DLGAP2: variants seen among roughly 807,000 people sequenced by gnomAD.
DLGAP2 encodes disks large-associated protein 2.
In DLGAP2, 26 loss-of-function variants were observed where a neutral mutation model predicts 100.3. The observed-to-expected ratio is 0.26, with a 90% CI of 0.19 to 0.36. The LOEUF is 0.36. Among genes scored for constraint, DLGAP2 ranks in the 10% least tolerant of loss-of-function variants. DLGAP2 has a pLI of 1.00. For synonymous variants in DLGAP2, 886 were observed against 630.1 expected (o/e 1.41, Z -6.08); for missense variants, 1,858 against 1,453.2 (o/e 1.28, Z -4.53).
chr8:747,393 G>A (rs1417057431), intron 1 of DLGAP2, among the ~76,000 whole-genome samples: 2 of 151,920 alleles, frequency 1.3e-5, no homozygotes, highest in Admixed American at 6.6e-5. Flanking sequence ...GGGCTTCTCC[G>A]CCGGGCCTCG....
At chr8:901,401 C>T (rs1195924286) in intron 1 of DLGAP2, among the ~76,000 whole-genome samples, 1 of 152,228 alleles carries the variant, frequency 6.6e-6, no homozygotes, top group East Asian at 1.9e-4. Context: ...ACAGGTGAAT[C>T]TCTTTATTGA....
intron 8 of DLGAP2, among the ~76,000 whole-genome samples, chr8:1,658,149 A>C (rs1798327031): frequency 6.6e-6 from 1 of 152,074 alleles, no homozygotes; most frequent in Non-Finnish European, 1.5e-5. Context: ...TTTATTATGC[A>C]AATGAGGGCT....
At chr8:865,499 C>T (rs1350466693) in intron 1 of DLGAP2, among the ~76,000 whole-genome samples, 1 of 152,082 alleles carries the variant, frequency 6.6e-6, no homozygotes, top group Admixed American at 6.5e-5. Context: ...GTGATGTTCC[C>T]CGGGGCTGAG....
intron 3 of DLGAP2, among the ~76,000 whole-genome samples, chr8:1,323,414 G>C (rs1041491327): frequency 3.3e-5 from 5 of 152,210 alleles, no homozygotes; most frequent in African/African-American, 1.2e-4. Context: ...TTCTGGCTTT[G>C]AGTCTGGGTG....
At chr8:1,661,030 G>T (rs1012495702) in intron 8 of DLGAP2, among the ~76,000 whole-genome samples, 3 of 152,182 alleles carry the variant, frequency 2.0e-5, no homozygotes, top group South Asian at 2.1e-4. Flanking sequence ...GTTTCTGCTG[G>T]CAAGGGTTGG....
At chr8:819,073 T>C (rs566548245) in intron 1 of DLGAP2, among the ~76,000 whole-genome samples, 1 of 152,358 alleles carries the variant, frequency 6.6e-6, no homozygotes, top group Non-Finnish European at 1.5e-5. Context: ...ATTTAATGAC[T>C]GAATCCAGAA....
At chr8:1,182,552 G>A (rs1425766296) in intron 2 of DLGAP2, among the ~76,000 whole-genome samples, 2 of 152,184 alleles carry the variant, frequency 1.3e-5, no homozygotes, top group Non-Finnish European at 2.9e-5. Context: ...TGAGATGCTG[G>A]GTGGCTGGAT....
intron 2 of DLGAP2, among the ~76,000 whole-genome samples, chr8:935,139 C>G (rs1404512462): frequency 1.3e-5 from 2 of 152,246 alleles, no homozygotes; most frequent in Non-Finnish European, 2.9e-5. Flanking sequence ...GCAGGGGACG[C>G]TGAGGCGGCT....
chr8:1,234,974 C>G (rs1048372864), intron 2 of DLGAP2, among the ~76,000 whole-genome samples: 2 of 151,958 alleles, frequency 1.3e-5, no homozygotes, highest in Non-Finnish European at 2.9e-5. Flanking sequence ...GTGTCTAGTT[C>G]TCTCACGCAT....
chr8:898,133 C>G (rs766709462), intron 1 of DLGAP2, among the ~76,000 whole-genome samples: 1 of 152,192 alleles, frequency 6.6e-6, no homozygotes, highest in Non-Finnish European at 1.5e-5. Flanking sequence ...GGCAGTAAAC[C>G]GTACAGCAGG....
chr8:1,024,711 C>G (rs1227963899), intron 2 of DLGAP2, among the ~76,000 whole-genome samples: 1 of 152,180 alleles, frequency 6.6e-6, no homozygotes, highest in Non-Finnish European at 1.5e-5. Context: ...GAAGAACTCA[C>G]AGGCGCTTCA....
intron 4 of DLGAP2, among the ~76,000 whole-genome samples, chr8:1,513,947 A>G (rs1221701423): frequency 2.0e-5 from 3 of 152,162 alleles, no homozygotes; most frequent in Non-Finnish European, 4.4e-5. Flanking sequence ...TGCCTACGCA[A>G]TGTGATTGAG....
At chr8:1,600,911 T>A (rs1796604094) in intron 6 of DLGAP2, among the ~76,000 whole-genome samples, 1 of 152,244 alleles carries the variant, frequency 6.6e-6, no homozygotes, top group Non-Finnish European at 1.5e-5. Context: ...TCTGTTCCCT[T>A]GCTGGTGAGG....
At chr8:1,518,938 T>A (rs1436186044) in intron 4 of DLGAP2, among the ~76,000 whole-genome samples, 3 of 152,170 alleles carry the variant, frequency 2.0e-5, no homozygotes, top group African/African-American at 7.2e-5. Flanking sequence ...GTGGCTAAGA[T>A]GAGACCAACT....
intron 2 of DLGAP2, among the ~76,000 whole-genome samples, chr8:1,252,000 C>G (rs1010837359): frequency 6.6e-6 from 1 of 151,240 alleles, no homozygotes; most frequent in Admixed American, 6.6e-5. Flanking sequence ...GGTGTTGTCA[C>G]GTGGGTGTGT....
chr8:784,416 G>A (rs1240779615), intron 1 of DLGAP2, among the ~76,000 whole-genome samples: 1 of 152,166 alleles, frequency 6.6e-6, no homozygotes. Context: ...TGTTACAGTA[G>A]GATATGGTTC....
chr8:1,081,410 G>A (rs993195610), intron 2 of DLGAP2, among the ~76,000 whole-genome samples: 7 of 152,190 alleles, frequency 4.6e-5, no homozygotes, highest in African/African-American at 1.2e-4. Context: ...GGAGTGCAGT[G>A]GCGCAGCCTT....
In DLGAP2 at chr8:1,209,469, G is replaced by C. The variant is rs147050655; in HGVS notation, c.74-49382G>C. 5.3e-3 allele frequency among the ~76,000 whole-genome samples: 803 copies of C among 152,224 alleles called. 8 individuals carry two copies. The highest frequency in any genetic ancestry group is 0.018 in the African/African-American group (765 of 41,518). On this transcript the variant is annotated intron_variant, in intron 2 of 14. Transcript: ENST00000637795. ...CATATGTAGTCCTAGATCTGTGCTG[G>C]TCCCATGGTGGGCATCAGCTGTTCT...
chr8:877,828 C>A (rs895890118), intron 1 of DLGAP2, among the ~76,000 whole-genome samples: 1 of 152,196 alleles, frequency 6.6e-6, no homozygotes, highest in African/African-American at 2.4e-5. Context: ...TTCCACGGCT[C>A]TGAATGCTAG....
Sources: allele counts gnomAD v4.1 joint callset (sites outside exome capture counted in the v4.1 genomes callset), GRCh38; gene constraint gnomAD v4.1.1; transcripts MANE v1.5; gene names NCBI Gene and HGNC (gene_info 2026-07-23, HGNC 2026-07-21).